The following MIER1 variants were observed in gnomAD, a reference collection of about 807,000 sequenced individuals.
MIER1 encodes mesoderm induction early response protein 1.
Under a neutral mutation model 75.7 loss-of-function variants are expected in MIER1, and 40 were observed. The ratio of observed to expected loss-of-function variants is 0.53; its 90% CI spans 0.41 to 0.69. The LOEUF (loss-of-function observed/expected upper bound fraction) is 0.69. Ranked by LOEUF, MIER1 falls within the 30% of genes least tolerant of loss-of-function variation. MIER1 has a pLI of 0.00. For missense variants in MIER1, 574 were observed against 680.2 expected (o/e 0.84, Z 1.74); for synonymous variants, 213 against 223.4 (o/e 0.95, Z 0.42).
intron 7 of MIER1, among the ~76,000 whole-genome samples, chr1:66,961,431 A>G (rs1471568114): frequency 1.3e-5 from 2 of 152,222 alleles, no homozygotes; most frequent in African/African-American, 2.4e-5. Context: ...GGAAAATTGC[A>G]TATATGATAT....
At position 66,930,228 on chromosome 1, in the gene MIER1, G is replaced by T. The variant is rs1399059896; in HGVS notation, c.168+3986G>T. 3 of 1,432,354 alleles carry T rather than the reference G, an allele frequency of 2.1e-6. No individual in the cohort carries two copies. The African/African-American group carries it at 4.5e-5, about 21-fold the overall frequency. 88.7% of individuals were successfully genotyped at this position (1,432,354 alleles called of 1,614,324 possible). ...GCCGCGAGGGGGCGGAGTGGGGTGT[G>T]GTGGGCGCGCTCGGGCGGCTCCTGC... On this transcript the variant is annotated intron_variant, in intron 2 of 13. Transcript: ENST00000401041.
chr1:66,936,998 C>CAAAAAAA (rs751644771), intron 2 of MIER1, among the ~76,000 whole-genome samples: 36 of 68,326 alleles, frequency 5.3e-4, no homozygotes, highest in South Asian at 6.6e-4. Context: ...GACTCCATCT[C>CAAAAAAA]AAAAAAAAAA....
intron 3 of MIER1, among the ~76,000 whole-genome samples, chr1:66,945,443 T>A (rs768802280): frequency 2.6e-5 from 4 of 152,082 alleles, no homozygotes; most frequent in Non-Finnish European, 4.4e-5. Context: ...TTTCTCTGAA[T>A]GTTTTCAATC....
intron 1 of MIER1, chr1:66,925,468 T>G: frequency 1.0e-6 from 1 of 985,466 alleles, no homozygotes; most frequent in East Asian, 1.1e-4. Context: ...CTCCGCCTCT[T>G]TCTCCTGTAT....
At chr1:66,956,326 T>C in intron 4 of MIER1, among the ~76,000 whole-genome samples, 1 of 151,944 alleles carries the variant, frequency 6.6e-6, no homozygotes, top group Non-Finnish European at 1.5e-5. Context: ...GAGGCTGAGG[T>C]GGGAGGATCA....
intron 4 of MIER1, among the ~76,000 whole-genome samples, chr1:66,956,736 T>C (rs1660213002): frequency 6.6e-6 from 1 of 152,232 alleles, no homozygotes; most frequent in Non-Finnish European, 1.5e-5. Context: ...GATTTATCTT[T>C]CAGAAATAGA....
chr1:66,986,593 G>T lies in MIER1; in HGVS notation c.*1693G>T, dbSNP rs1249037879. Reference sequence around the variant, plus strand: ...AAGTATTACTGTTAACATATGTTCGGACTGCTTCCCTTCACCAATGTGAAC... The same window carrying T: ...AAGTATTACTGTTAACATATGTTCGTACTGCTTCCCTTCACCAATGTGAAC... On this transcript the variant is annotated 3_prime_UTR_variant, in exon 14 of 14. Transcript: ENST00000401041. The T allele has an allele frequency of 2.2e-5, 18 of 806,530 alleles. No homozygotes were observed. In the East Asian group the frequency reaches 4.3e-4, roughly 19 times the overall value. The allele number at this position is 806,530 out of a possible 1,614,324, so 50.0% of individuals were successfully genotyped here.
Position 66,987,905 on chromosome 1 carries a change from T to C in MIER1, c.*3005T>C, listed in dbSNP as rs1163109366. On this transcript the variant is annotated 3_prime_UTR_variant, in exon 14 of 14. Coordinates refer to ENST00000401041, the MANE Select transcript of MIER1 (RefSeq NM_001077700.3). ...TGCCACAAGAGATCCTTTCAGTCCC[T>C]AGACCTCCATTCACTCTGTTTCTCT... The C allele has an allele frequency of 1.3e-5, 2 of 150,464 alleles. No homozygotes were observed. Among genetic ancestry groups the C allele is most frequent in the Admixed American group, 6.6e-5 (1 of 15,242 alleles). 9.3% of individuals were successfully genotyped at this position (150,464 alleles called of 1,614,324 possible).
At chr1:66,971,933 A>C (rs1663691081) in intron 10 of MIER1, among the ~76,000 whole-genome samples, 197 bp downstream of exon 10, 1 of 151,906 alleles carries the variant, frequency 6.6e-6, no homozygotes, top group South Asian at 2.1e-4. Flanking sequence ...TTGTGGGAAA[A>C]TACAGTCATG....
At chr1:66,957,991 G>T in intron 4 of MIER1, 68 bp from the exon 5 acceptor site, 1 of 973,582 alleles carries the variant, frequency 1.0e-6, no homozygotes, top group Non-Finnish European at 1.5e-6. Context: ...CCACAGATTT[G>T]TGGATTATAG....
Position 66,948,696 on chromosome 1 carries a change from C to T in MIER1, c.339+2401C>T, listed in dbSNP as rs188872214. Among the ~76,000 whole-genome samples the T allele has an allele frequency of 3.7e-3, 564 of 152,210 alleles. 4 individuals are homozygous for T. The highest frequency in any genetic ancestry group is 6.5e-3 in the Non-Finnish European group (441 of 68,016). ...TTACTTGAGGCCTGGAGGTCAAGAC[C>T]AGCCTGGGCAACATAGTGAGACCAC... On this transcript the variant is annotated intron_variant, in intron 4 of 13. Coordinates refer to ENST00000401041, the MANE Select transcript of MIER1 (RefSeq NM_001077700.3).
intron 2 of MIER1, chr1:66,932,828 A>G (rs1450163820): frequency 3.9e-5 from 6 of 152,028 alleles, no homozygotes; most frequent in Non-Finnish European, 8.8e-5. Flanking sequence ...AAATGTAGGT[A>G]TTATGCTTCT....
At chr1:66,930,970 T>A (rs1369036688) in intron 2 of MIER1, among the ~76,000 whole-genome samples, 4 of 152,056 alleles carry the variant, frequency 2.6e-5, no homozygotes, top group African/African-American at 9.7e-5. Flanking sequence ...GTCTGCCCAT[T>A]TATCCAGACA....
Position 66,986,271 on chromosome 1 carries a change from A to AT in MIER1, c.*1372dup. 1 of 1,437,110 alleles carries AT rather than the reference A, an allele frequency of 7.0e-7. No individual in the cohort carries two copies. Among genetic ancestry groups the AT allele is most frequent in the Non-Finnish European group, 9.1e-7 (1 of 1,102,450 alleles). The allele number at this position is 1,437,110 out of a possible 1,614,324, so 89.0% of individuals were successfully genotyped here. ...ATTACAGATAGGATTATCCATCTGC[A>AT]TAGCCTTGTAAAAGTGCCATTTTAT... On this transcript the variant is annotated 3_prime_UTR_variant, in exon 14 of 14. Coordinates refer to ENST00000401041, the MANE Select transcript of MIER1 (RefSeq NM_001077700.3).
Position 66,970,846 on chromosome 1 carries a change from T to C in MIER1, c.811T>C (p.Tyr271His). Residue 271 changes from tyrosine to histidine, a missense_variant, in exon 9 of 14, where the codon TAC (tyrosine) becomes CAC (histidine). Around this residue, in one of 3 missense-constraint regions of MIER1, gnomAD observed 309 missense variants for 352.8 expected, o/e 0.88. Transcript: ENST00000401041. ...NDDQLLWDPE[Y>H]LPEDKVIIFL... is the part of the protein sequence containing the mutation. ...TGATCAGCTCCTGTGGGACCCTGAGTACTTACCAGAAGATAAAGTGATTAT... is the reference window on the plus strand; with the variant it reads ...TGATCAGCTCCTGTGGGACCCTGAGCACTTACCAGAAGATAAAGTGATTAT... The C allele has an allele frequency of 1.3e-6, 2 of 1,591,690 alleles. No individual in the cohort carries two copies.
At chr1:66,960,098 T>C in intron 7 of MIER1, 1 of 154,608 alleles carries the variant, frequency 6.5e-6, no homozygotes, top group Non-Finnish European at 1.4e-5. Context: ...AAATCCACAT[T>C]TCTGATTTAG....
chr1:66,930,424 C>T (rs775602381), intron 2 of MIER1: 9 of 1,604,974 alleles, frequency 5.6e-6, no homozygotes, highest in South Asian at 5.5e-5. Flanking sequence ...CTCCCCCTCC[C>T]TGTCCCGGAG....
At chr1:66,945,267 GTATATATATATATATATATATATA>G (rs66525570) in intron 3 of MIER1, among the ~76,000 whole-genome samples, 2,402 of 141,936 alleles carry the variant, frequency 0.017, 41 homozygotes, top group Middle Eastern at 0.029. Flanking sequence ...TCTGGTGTGT[GTATATATATATATATATATATATA>G]TATATATATA....
intron 4 of MIER1, among the ~76,000 whole-genome samples, chr1:66,950,360 C>G (rs1243790225): frequency 1.3e-5 from 2 of 152,274 alleles, no homozygotes; most frequent in Admixed American, 6.5e-5. Context: ...CTGCCCATCT[C>G]AGCCTCCCAA....
Sources: allele counts gnomAD v4.1 joint callset (sites outside exome capture counted in the v4.1 genomes callset), GRCh38; gene constraint gnomAD v4.1.1; regional missense constraint gnomAD v4.1.1; transcripts MANE v1.5; gene names NCBI Gene and HGNC (gene_info 2026-07-23, HGNC 2026-07-21).